THBS2: variants seen among roughly 807,000 people sequenced by gnomAD.
The protein encoded by THBS2 is thrombospondin-2.
Under a neutral mutation model 135.2 loss-of-function variants are expected in THBS2, and 47 were observed. That is an observed-to-expected ratio of 0.35 (90% CI 0.28 to 0.44). THBS2 has a LOEUF of 0.44. Among genes scored for constraint, THBS2 ranks in the 20% least tolerant of loss-of-function variants. THBS2 has a pLI of 1.00. For synonymous variants in THBS2, 639 were observed against 633.8 expected (o/e 1.01, Z -0.12); for missense variants, 1,288 against 1,603.1 (o/e 0.80, Z 3.36).
chr6:169,242,057 C>A, intron 4 of THBS2, 99 bp from the exon 5 acceptor site: 2 of 1,363,502 alleles, frequency 1.5e-6, no homozygotes, highest in Non-Finnish European at 9.9e-7. Flanking sequence ...GCTCCCGGAG[C>A]GGCCTGGTGC....
At chr6:169,221,118 A>G (rs760600329) in intron 20 of THBS2, among the ~76,000 whole-genome samples, 1 of 152,244 alleles carries the variant, frequency 6.6e-6, no homozygotes, top group African/African-American at 2.4e-5. Context: ...AATAAAGCAC[A>G]TGCTAATTCT....
chr6:169,251,924 C>CA lies in THBS2; in HGVS notation c.-22-1119_-22-1118insT, dbSNP rs1583424253. 3 of 151,312 alleles carry CA rather than the reference C, an allele frequency of 2.0e-5. No individual in the cohort carries two copies. In the East Asian group the frequency reaches 5.9e-4, roughly 30 times the overall value. The allele number at this position is 151,312 out of a possible 1,614,324, so 9.4% of individuals were successfully genotyped here. A position where few individuals can be genotyped will look rare whatever the true frequency, so the allele number is the denominator to read the frequency against. ...CTGGCTCCGGAAGCAGCACGGCCTG[C>CA]GGCCGGAGTCAGCACCAGGCTGAGC... On this transcript the variant is annotated intron_variant, in intron 1 of 21. Coordinates refer to ENST00000617924, the MANE Select transcript of THBS2 (RefSeq NM_003247.5).
Position 169,241,168 on chromosome 6 carries a change from T to A in THBS2, c.892-576A>T, listed in dbSNP as rs1391472016. ...ACAGTCAGCATCACTGCACCCTGGTTAGCCATGTGTATGTTGTGGGGCACC... is the reference window on the plus strand; with the variant it reads ...ACAGTCAGCATCACTGCACCCTGGTAAGCCATGTGTATGTTGTGGGGCACC... On this transcript the variant is annotated intron_variant, in intron 5 of 21. Coordinates refer to ENST00000617924, the MANE Select transcript of THBS2 (RefSeq NM_003247.5). The surrounding 1 kb of genome is among the most constrained non-coding windows in gnomAD (Gnocchi z 5.5). Among the ~76,000 whole-genome samples, 1 of 152,122 alleles carries A rather than the reference T, an allele frequency of 6.6e-6. No homozygotes were observed. The highest frequency in any genetic ancestry group is 6.5e-5 in the Admixed American group (1 of 15,276).
chr6:169,251,517 G>T (rs866551214), intron 1 of THBS2, among the ~76,000 whole-genome samples: 1 of 152,120 alleles, frequency 6.6e-6, no homozygotes, highest in African/African-American at 2.4e-5. Flanking sequence ...CCGGCTGGGC[G>T]ATTAACCCTG....
At chr6:169,242,601 T>TGC (rs1780355612) in intron 4 of THBS2, among the ~76,000 whole-genome samples, 1 of 71,344 alleles carries the variant, frequency 1.4e-5, no homozygotes, top group South Asian at 5.9e-4. Context: ...CCTTCCCACA[T>TGC]TCCCACCTTC....
chr6:169,226,551 T>C (rs1779637894), intron 15 of THBS2, among the ~76,000 whole-genome samples: 1 of 152,188 alleles, frequency 6.6e-6, no homozygotes, highest in South Asian at 2.1e-4. Flanking sequence ...TTCTGGGTAA[T>C]GTTGCAGGAG....
At chr6:169,229,787 C>T in intron 13 of THBS2, 108 bp from the exon 14 acceptor site, 1 of 831,588 alleles carries the variant, frequency 1.2e-6, no homozygotes, top group South Asian at 1.6e-5. Flanking sequence ...AAGCGTGCCC[C>T]ATCAGTCCTC....
At chr6:169,232,264 G>A in intron 12 of THBS2, 66 bp from the exon 13 acceptor site, 2 of 1,565,134 alleles carry the variant, frequency 1.3e-6, no homozygotes, top group Non-Finnish European at 1.7e-6. Flanking sequence ...GTCGAGGCGG[G>A]GCGTCGGGCA....
intron 5 of THBS2, 84 bp from the exon 6 acceptor site, chr6:169,240,676 C>A: frequency 6.7e-7 from 1 of 1,503,476 alleles, no homozygotes; most frequent in South Asian, 1.3e-5. Context: ...AACAAAGTTC[C>A]TCCTTCATTA....
rs1333885607 is a variant in THBS2, at chr6:169,229,553, C to T, written c.2259+19G>A. On this transcript the variant is annotated intron_variant, in intron 14 of 21. Transcript: ENST00000617924. ...GCTCCTGGAACCCAGGGCAGGTGCGCGGCACAAGCTGCTCCTACCTTCTCA... is the reference window on the plus strand; with the variant it reads ...GCTCCTGGAACCCAGGGCAGGTGCGTGGCACAAGCTGCTCCTACCTTCTCA... 1.7e-5 allele frequency: 27 copies of T among 1,606,688 alleles called. No individual in the cohort carries two copies. The East Asian group carries it at 1.8e-4, about 11-fold the overall frequency.
chr6:169,220,171 C>T, intron 21 of THBS2, 27 bp downstream of exon 21: 1 of 1,605,706 alleles, frequency 6.2e-7, no homozygotes, highest in South Asian at 1.1e-5. Context: ...CATGCCTTCC[C>T]CACTAACCTG....
At chr6:169,249,529 G>A (rs1241133716) in intron 2 of THBS2, among the ~76,000 whole-genome samples, 1 of 152,216 alleles carries the variant, frequency 6.6e-6, no homozygotes, top group East Asian at 1.9e-4. Flanking sequence ...TAAATCGTAT[G>A]TTGCTTTCTT....
In THBS2 at chr6:169,225,776, C is replaced by T. The variant is rs186019943; in HGVS notation, c.2539-397G>A. On this transcript the variant is annotated intron_variant, in intron 16 of 21. Coordinates refer to ENST00000617924, the MANE Select transcript of THBS2 (RefSeq NM_003247.5). ...ACTGTCCTCCCTTGTCTCTTTCAAA[C>T]GCAAACCTGGAAATGAAGCCAATTC... 5.9e-5 allele frequency among the ~76,000 whole-genome samples: 9 copies of T among 152,328 alleles called. No homozygotes were observed. In the East Asian group the frequency reaches 7.7e-4, roughly 13 times the overall value.
intron 21 of THBS2, 43 bp downstream of exon 21, chr6:169,220,155 G>A (rs1779371620): frequency 1.3e-6 from 2 of 1,596,614 alleles, no homozygotes; most frequent in Non-Finnish European, 1.7e-6. Flanking sequence ...CCCTTTCTGG[G>A]TGCCACATGC....
Position 169,217,061 on chromosome 6 carries a change from T to G in THBS2, c.*761A>C, listed in dbSNP as rs958610375. 1.3e-5 allele frequency: 2 copies of G among 152,238 alleles called. No individual in the cohort carries two copies. The highest frequency in any genetic ancestry group is 2.9e-5 in the Non-Finnish European group (2 of 68,048). The allele number at this position is 152,238 out of a possible 1,614,324, so 9.4% of individuals were successfully genotyped here. On this transcript the variant is annotated 3_prime_UTR_variant, in exon 22 of 22. Coordinates refer to ENST00000617924, the MANE Select transcript of THBS2 (RefSeq NM_003247.5). ...AGCACCGCACTTTGCTCTGCTAACC[T>G]TTTACTTAAATGAGGTTTTGCCAAA...
rs1016547304 is a variant in THBS2 at position 169,252,411 on chromosome 6, C to T, written c.-23+1313G>A. On this transcript the variant is annotated intron_variant, in intron 1 of 21. Transcript: ENST00000617924. The surrounding 1 kb of genome is among the most constrained non-coding windows in gnomAD (Gnocchi z 4.3). ...CACACTGCCGGGTACGTCGCAGTCCCCTAAGGACAGCTGTGTGGGGCTGGC... is the reference window on the plus strand; with the variant it reads ...CACACTGCCGGGTACGTCGCAGTCCTCTAAGGACAGCTGTGTGGGGCTGGC... Among the ~76,000 whole-genome samples the T allele has an allele frequency of 6.6e-6, 1 of 152,200 alleles. No homozygotes were observed. The highest frequency in any genetic ancestry group is 6.5e-5 in the Admixed American group (1 of 15,276).
chr6:169,241,518 A>C lies in THBS2; in HGVS notation c.891+244T>G, dbSNP rs1780297158. Among the ~76,000 whole-genome samples, 1 of 152,098 alleles carries C rather than the reference A, an allele frequency of 6.6e-6. No individual in the cohort carries two copies. Among genetic ancestry groups the C allele is most frequent in the African/African-American group, 2.4e-5 (1 of 41,398 alleles). The stretch of plus-strand genomic sequence containing the variant: ...TCCCAAAATTAAGAATTTATTTTGG[A>C]GACTGTGCCCAGGACTGTTTTCCTT... On this transcript the variant is annotated intron_variant, in intron 5 of 21. Coordinates refer to ENST00000617924, the MANE Select transcript of THBS2 (RefSeq NM_003247.5). The surrounding 1 kb of genome is among the most constrained non-coding windows in gnomAD (Gnocchi z 5.5).
chr6:169,242,815 C>T (rs866508390), intron 4 of THBS2, among the ~76,000 whole-genome samples: 2,827 of 49,912 alleles, frequency 0.057, 1 homozygote, highest in African/African-American at 0.1. Context: ...ACCTTCCCAC[C>T]ACTCCCACCT....
intron 1 of THBS2, among the ~76,000 whole-genome samples, 176 bp downstream of exon 1, chr6:169,253,548 T>G (rs1780821028): frequency 6.6e-6 from 1 of 152,194 alleles, no homozygotes; most frequent in Non-Finnish European, 1.5e-5. Context: ...AAGCGGGCAG[T>G]AGAAACACCA....
Sources: gnomAD v4.1 joint callset for allele counts (sites outside exome capture counted in the v4.1 genomes callset) on GRCh38, gnomAD v4.1.1 for gene constraint, Gnocchi (gnomAD v3.1) non-coding constraint, MANE v1.5 for transcripts, NCBI Gene and HGNC (gene_info 2026-07-23, HGNC 2026-07-21) for gene names.